The following SLIT3 variants were observed in gnomAD, a reference collection of about 807,000 sequenced individuals.
SLIT3 encodes the protein slit guidance ligand 3, also known as slit homolog 3 protein.
SLIT3 carries 68 observed loss-of-function variants against 184.0 expected under a neutral mutation model. The ratio of observed to expected loss-of-function variants is 0.37; its 90% CI spans 0.30 to 0.45. SLIT3 has a LOEUF of 0.45. SLIT3 is among the 20% of genes least tolerant of loss of function. The pLI is 1.00. For missense variants in SLIT3, 1,707 were observed against 2,026.0 expected (o/e 0.84, Z 3.02); for synonymous variants, 831 against 828.6 (o/e 1.00, Z -0.05).
Position 168,671,466 on chromosome 5 carries a change from CGGTGGA to C in SLIT3, c.3853_3858del (p.Ser1285_Thr1286del), listed in dbSNP as rs1761241700. The C allele has an allele frequency of 6.2e-7, 1 of 1,611,010 alleles. No homozygotes were observed. The highest frequency in any genetic ancestry group is 1.3e-5 in the African/African-American group (1 of 75,028). On this transcript the variant is annotated inframe_deletion, in exon 34 of 36. Coordinates refer to ENST00000519560, the MANE Select transcript of SLIT3 (RefSeq NM_003062.4). ...GTGCCCTGGCGCAAGGCAGAGAGGC[CGGTGGA>C]GGTGGGGATGCCTGTGGGAGGGGAG...
intron 3 of SLIT3, among the ~76,000 whole-genome samples, chr5:169,214,489 A>G (rs1764371040): frequency 6.6e-6 from 1 of 152,172 alleles, no homozygotes; most frequent in Non-Finnish European, 1.5e-5. Context: ...GGCCAGGGTG[A>G]CTGGGAGGGC....
intron 4 of SLIT3, among the ~76,000 whole-genome samples, chr5:168,951,815 T>G (rs1010487288): frequency 6.6e-6 from 1 of 152,190 alleles, no homozygotes; most frequent in Non-Finnish European, 1.5e-5. Context: ...CCTATAAAAC[T>G]GTCTCATGAA....
At chr5:168,762,769 G>A (rs1755204960) in intron 14 of SLIT3, 80 bp from the exon 15 acceptor site, 1 of 1,439,394 alleles carries the variant, frequency 6.9e-7, no homozygotes, top group Non-Finnish European at 9.6e-7. Flanking sequence ...GGGGGTGGGA[G>A]ACAGAGATGG....
intron 4 of SLIT3, among the ~76,000 whole-genome samples, chr5:168,889,776 C>T (rs530010644): frequency 6.6e-6 from 1 of 152,164 alleles, no homozygotes; most frequent in African/African-American, 2.4e-5. Flanking sequence ...CAGTTTACAT[C>T]CTTATTTATC....
intron 4 of SLIT3, among the ~76,000 whole-genome samples, chr5:168,974,032 A>T (rs907857598): frequency 6.6e-6 from 1 of 152,224 alleles, no homozygotes; most frequent in East Asian, 1.9e-4. Context: ...TGTTTGGAAC[A>T]CTAAATTACA....
At chr5:168,852,359 C>T (rs1213676137) in intron 5 of SLIT3, among the ~76,000 whole-genome samples, 2 of 152,324 alleles carry the variant, frequency 1.3e-5, no homozygotes, top group East Asian at 3.9e-4. Context: ...ATGGGGGTTT[C>T]AGAAAATTTT....
intron 1 of SLIT3, among the ~76,000 whole-genome samples, chr5:169,282,720 C>G (rs1235368993): frequency 6.6e-6 from 1 of 152,218 alleles, no homozygotes; most frequent in Non-Finnish European, 1.5e-5. Flanking sequence ...GCAAGCGATT[C>G]TGGTTCACCT....
intron 9 of SLIT3, among the ~76,000 whole-genome samples, chr5:168,804,665 G>A: frequency 6.6e-6 from 1 of 152,230 alleles, no homozygotes; most frequent in Non-Finnish European, 1.5e-5. Context: ...GCCTGCCAGA[G>A]GGTGCGGAGG....
chr5:168,917,049 A>T (rs2113107031), intron 4 of SLIT3, among the ~76,000 whole-genome samples: 1 of 152,324 alleles, frequency 6.6e-6, no homozygotes, highest in Admixed American at 6.5e-5. Context: ...CAGAGGTACA[A>T]AGGAGACGGA....
At chr5:169,146,392 G>A (rs1761926267) in intron 4 of SLIT3, among the ~76,000 whole-genome samples, 1 of 152,194 alleles carries the variant, frequency 6.6e-6, no homozygotes, top group Non-Finnish European at 1.5e-5. Context: ...TTCAAACGAG[G>A]GAATCTACTG....
intron 4 of SLIT3, chr5:169,013,137 G>A (rs563186727): frequency 6.6e-6 from 1 of 152,240 alleles, no homozygotes; most frequent in Non-Finnish European, 1.5e-5. Flanking sequence ...GGGGACAAGG[G>A]AGAAGAAAAG....
intron 3 of SLIT3, among the ~76,000 whole-genome samples, chr5:169,196,751 CTCCCTT>C (rs757694892): frequency 4.5e-4 from 68 of 152,294 alleles, no homozygotes; most frequent in Non-Finnish European, 7.8e-4. Context: ...ACAGCTCCCT[CTCCCTT>C]TCCCTTTCTT....
chr5:169,166,596 G>C (rs1268953958), intron 4 of SLIT3, among the ~76,000 whole-genome samples: 1 of 152,100 alleles, frequency 6.6e-6, no homozygotes, highest in Non-Finnish European at 1.5e-5. Flanking sequence ...GTGGGAGCTC[G>C]ACAGGTGCTC....
At chr5:168,878,213 G>A (rs185297903) in intron 5 of SLIT3, among the ~76,000 whole-genome samples, 1 of 152,342 alleles carries the variant, frequency 6.6e-6, no homozygotes, top group Admixed American at 6.5e-5. Flanking sequence ...AGTGGAGAAT[G>A]AGACCAGCCC....
intron 14 of SLIT3, 27 bp downstream of exon 14, chr5:168,772,754 C>G: frequency 6.2e-7 from 1 of 1,613,506 alleles, no homozygotes; most frequent in Non-Finnish European, 8.5e-7. Flanking sequence ...AGTCAGAAAG[C>G]GGGGCCCAGC....
chr5:168,686,076 A>C, intron 30 of SLIT3, 149 bp from the exon 31 acceptor site: 1 of 895,194 alleles, frequency 1.1e-6, no homozygotes, highest in Non-Finnish European at 1.6e-6. Context: ...CCCTGCCACT[A>C]ACCGGGGCAA....
chr5:168,929,157 G>T (rs1473801404), intron 4 of SLIT3, among the ~76,000 whole-genome samples: 1 of 152,116 alleles, frequency 6.6e-6, no homozygotes, highest in African/African-American at 2.4e-5. Flanking sequence ...TAGAGCTTGG[G>T]TCACCTGCTC....
In SLIT3 at chr5:168,685,705, C is replaced by G. The variant is rs1761721116; in HGVS notation, c.3537G>C (p.Gln1179His). ...GACACACCTGCAGGGAGATGTTGGC[C>G]TGGGGTCGGACCTTGGCGGAGGCCA... ...VELASAKVRP[Q>H]ANISLQVATD... The change falls in exon 31 of 36, where the codon CAG becomes CAC. Residue 1179 changes from glutamine to histidine, a missense_variant. Coordinates refer to ENST00000519560, the MANE Select transcript of SLIT3 (RefSeq NM_003062.4). 1 of 1,561,638 alleles carries G rather than the reference C, an allele frequency of 6.4e-7. No individual in the cohort carries two copies. Among genetic ancestry groups the G allele is most frequent in the African/African-American group, 1.3e-5 (1 of 74,128 alleles).
chr5:169,239,339 T>C (rs1030278148), intron 3 of SLIT3, among the ~76,000 whole-genome samples: 1 of 152,166 alleles, frequency 6.6e-6, no homozygotes, highest in Non-Finnish European at 1.5e-5. Context: ...CTCAAGGTTA[T>C]GCTGGCTAAA....
Sources: allele counts gnomAD v4.1 joint callset (sites outside exome capture counted in the v4.1 genomes callset), GRCh38; gene constraint gnomAD v4.1.1; transcripts MANE v1.5; gene names NCBI Gene and HGNC (gene_info 2026-07-23, HGNC 2026-07-21).